EPM2A: variants seen among roughly 807,000 people sequenced by gnomAD.
EPM2A encodes the protein EPM2A glucan phosphatase, laforin.
EPM2A carries 21 observed loss-of-function variants against 26.5 expected under a neutral mutation model. The observed-to-expected ratio is 0.79, with a 90% confidence interval of 0.56 to 1.14. The LOEUF is 1.14. Among genes scored for constraint, EPM2A ranks in the 50% most tolerant of loss-of-function variants. EPM2A has a pLI of 0.00. For missense variants in EPM2A, 458 were observed against 440.8 expected (o/e 1.04, Z -0.35); for synonymous variants, 217 against 177.6 (o/e 1.22, Z -1.76).
At chr6:145,665,835 C>A (rs369072153) in intron 2 of EPM2A, among the ~76,000 whole-genome samples, 3 of 141,830 alleles carry the variant, frequency 2.1e-5, no homozygotes, top group South Asian at 4.8e-4. Context: ...TGGGCTTCAT[C>A]CCTGGGATGC....
intron 4 of EPM2A, among the ~76,000 whole-genome samples, chr6:145,437,734 A>G (rs1279011896): frequency 6.6e-6 from 1 of 152,224 alleles, no homozygotes; most frequent in Non-Finnish European, 1.5e-5. Flanking sequence ...AGACTCTTGA[A>G]ATAGTATAAT....
At chr6:145,495,396 T>C (rs1194066741) in intron 4 of EPM2A, among the ~76,000 whole-genome samples, 2 of 151,946 alleles carry the variant, frequency 1.3e-5, no homozygotes, top group Non-Finnish European at 2.9e-5. Flanking sequence ...GCATGTGAGA[T>C]GGGTCTCTTG....
At chr6:145,568,584 A>C (rs549226094) in intron 2 of EPM2A, among the ~76,000 whole-genome samples, 36 of 152,198 alleles carry the variant, frequency 2.4e-4, no homozygotes, top group African/African-American at 8.7e-4. Flanking sequence ...TAGCCTCCCA[A>C]AGTGCTAGGA....
intron 1 of EPM2A, among the ~76,000 whole-genome samples, chr6:145,716,594 G>T (rs149177439): frequency 6.6e-6 from 1 of 151,990 alleles, no homozygotes; most frequent in African/African-American, 2.4e-5. Flanking sequence ...TGGAGTGGCC[G>T]CCCCACAGCC....
intron 4 of EPM2A, among the ~76,000 whole-genome samples, chr6:145,430,867 C>G (rs1778912277): frequency 6.6e-6 from 1 of 152,144 alleles, no homozygotes; most frequent in Non-Finnish European, 1.5e-5. Context: ...TTCATAGTTT[C>G]AGCCTCAGAA....
chr6:145,646,929 G>A (rs915194489), intron 2 of EPM2A, among the ~76,000 whole-genome samples: 4 of 152,134 alleles, frequency 2.6e-5, no homozygotes, highest in South Asian at 2.1e-4. Flanking sequence ...AGGAAACATC[G>A]CTTGTCTTCT....
chr6:145,463,562 A>G (rs1339137135), intron 4 of EPM2A, among the ~76,000 whole-genome samples: 1 of 149,204 alleles, frequency 6.7e-6, no homozygotes, highest in East Asian at 1.9e-4. Context: ...TACTTTTTCC[A>G]CTTTTCAATA....
intron 4 of EPM2A, among the ~76,000 whole-genome samples, chr6:145,423,099 C>A (rs957432252): frequency 7.2e-5 from 11 of 151,994 alleles, no homozygotes; most frequent in Non-Finnish European, 1.5e-4. Context: ...TGCCTGCAGA[C>A]CCTCAACACC....
intron 2 of EPM2A, among the ~76,000 whole-genome samples, chr6:145,546,149 T>C (rs1780580839): frequency 1.3e-5 from 2 of 152,156 alleles, no homozygotes; most frequent in Non-Finnish European, 2.9e-5. Flanking sequence ...GCCAGTGGCA[T>C]AGCCCAGTTC....
At chr6:145,460,799 G>A (rs1779320278) in intron 4 of EPM2A, among the ~76,000 whole-genome samples, 1 of 152,094 alleles carries the variant, frequency 6.6e-6, no homozygotes, top group Admixed American at 6.6e-5. Context: ...TTAACTAAGA[G>A]AAGGAATATT....
chr6:145,727,055 G>C (rs1432640386), intron 1 of EPM2A, among the ~76,000 whole-genome samples: 2 of 152,048 alleles, frequency 1.3e-5, no homozygotes, highest in African/African-American at 4.8e-5. Context: ...AAAAATACAT[G>C]TAATATAATT....
At chr6:145,400,867 C>G (rs868252818) in intron 4 of EPM2A, among the ~76,000 whole-genome samples, 3 of 152,128 alleles carry the variant, frequency 2.0e-5, no homozygotes, top group Non-Finnish European at 4.4e-5. Context: ...CTGCTTCCCG[C>G]CTACAGGTTG....
At chr6:145,609,115 A>T (rs1461228730) in intron 2 of EPM2A, among the ~76,000 whole-genome samples, 1 of 152,228 alleles carries the variant, frequency 6.6e-6, no homozygotes, top group African/African-American at 2.4e-5. Context: ...AGAGTAAGGA[A>T]ATAGTAAAAT....
chr6:145,719,182 T>C (rs1000926599), intron 1 of EPM2A, among the ~76,000 whole-genome samples: 14 of 151,296 alleles, frequency 9.3e-5, no homozygotes, highest in African/African-American at 1.5e-4. Flanking sequence ...CGTATGTTTA[T>C]TGCGGCATTA....
chr6:145,463,892 C>T (rs1228963755), intron 4 of EPM2A, among the ~76,000 whole-genome samples: 5 of 152,084 alleles, frequency 3.3e-5, no homozygotes, highest in African/African-American at 7.2e-5. Context: ...AATCTCATCT[C>T]GAAGTGTAAT....
intron 2 of EPM2A, among the ~76,000 whole-genome samples, chr6:145,584,194 T>C (rs1257188696): frequency 6.6e-6 from 1 of 151,734 alleles, no homozygotes; most frequent in African/African-American, 2.4e-5. Context: ...TGAAGTGGAG[T>C]GGGGAAGGCT....
At chr6:145,551,232 C>G (rs749357426) in intron 2 of EPM2A, among the ~76,000 whole-genome samples, 23 of 151,836 alleles carry the variant, frequency 1.5e-4, no homozygotes, top group Non-Finnish European at 2.5e-4. Context: ...ACTGTTAACA[C>G]ACAAAAAAAG....
chr6:145,661,584 G>C (rs1343920661), intron 2 of EPM2A, among the ~76,000 whole-genome samples: 2 of 152,222 alleles, frequency 1.3e-5, no homozygotes, highest in Non-Finnish European at 2.9e-5. Flanking sequence ...TATGTAATCA[G>C]AATGATACTT....
At chr6:145,675,543 C>T (rs1779969597) in intron 2 of EPM2A, among the ~76,000 whole-genome samples, 1 of 152,106 alleles carries the variant, frequency 6.6e-6, no homozygotes, top group African/African-American at 2.4e-5. Context: ...GGAGACCCAT[C>T]TCACGTGCAG....
Sources: gnomAD v4.1 joint callset for allele counts (sites outside exome capture counted in the v4.1 genomes callset) on GRCh38, gnomAD v4.1.1 for gene constraint, MANE v1.5 for transcripts, NCBI Gene and HGNC (gene_info 2026-07-23, HGNC 2026-07-21) for gene names.